DSE: variants seen among roughly 807,000 people sequenced by gnomAD.
DSE encodes dermatan sulfate epimerase.
Under a neutral mutation model 84.4 loss-of-function variants are expected in DSE, and 36 were observed. That is an observed-to-expected ratio of 0.43 (90% CI 0.33 to 0.56). The LOEUF is 0.56. Among genes scored for constraint, DSE ranks in the 20% least tolerant of loss-of-function variants. The pLI, the probability that DSE is intolerant of heterozygous loss-of-function variation, is 0.06. For synonymous variants in DSE, 410 were observed against 430.1 expected, an observed-to-expected ratio of 0.95 and a Z score of 0.58; for missense variants, 862 against 1,169.6, an observed-to-expected ratio of 0.74 and a Z score of 3.84.
chr6:116,257,805 C>T (rs1181247279), intron 1 of DSE, among the ~76,000 whole-genome samples: 9 of 152,118 alleles, frequency 5.9e-5, no homozygotes, highest in Admixed American at 5.9e-4. Flanking sequence ...GATTGCCCCC[C>T]AGAGGACCCC....
At chr6:116,400,938 T>C (rs1353014214) in intron 2 of DSE, 1 of 152,160 alleles carries the variant, frequency 6.6e-6, no homozygotes, top group East Asian at 1.9e-4. Context: ...CATATTTACA[T>C]TATTTAGAAA....
chr6:116,269,856 C>T (rs1399703382), intron 2 of DSE, among the ~76,000 whole-genome samples: 1 of 152,060 alleles, frequency 6.6e-6, no homozygotes, highest in Non-Finnish European at 1.5e-5. Context: ...CAAGTTTGAC[C>T]TGAAAATCTT....
intron 2 of DSE, among the ~76,000 whole-genome samples, chr6:116,308,770 C>T (rs549250060): frequency 1.8e-4 from 28 of 152,078 alleles, no homozygotes; most frequent in Admixed American, 3.9e-4. Context: ...CTCCGCCTCC[C>T]GGGTTCATGC....
At chr6:116,426,864 A>C (rs1468242397) in intron 3 of DSE, 37 bp downstream of exon 3, 1 of 1,577,374 alleles carries the variant, frequency 6.3e-7, no homozygotes, top group African/African-American at 1.4e-5. Flanking sequence ...GCCTGAGCTG[A>C]CGGAAGTCAT....
intron 2 of DSE, 115 bp downstream of exon 2, chr6:116,399,781 G>A: frequency 2.9e-6 from 3 of 1,029,422 alleles, no homozygotes; most frequent in South Asian, 1.6e-5. Context: ...GTGTGTGGGG[G>A]GAGGTGTTAT....
At chr6:116,315,244 C>CTT (rs1476601986) in intron 2 of DSE, among the ~76,000 whole-genome samples, 1 of 152,124 alleles carries the variant, frequency 6.6e-6, no homozygotes, top group Non-Finnish European at 1.5e-5. Context: ...CTTCAGAACT[C>CTT]TGTGAGGGTG....
intron 2 of DSE, among the ~76,000 whole-genome samples, chr6:116,350,036 A>T (rs1778219812): frequency 6.6e-6 from 1 of 152,240 alleles, no homozygotes; most frequent in Non-Finnish European, 1.5e-5. Context: ...TCTTTTTAAA[A>T]AAATACCTAA....
chr6:116,267,857 TGA>T (rs149576222), intron 2 of DSE, among the ~76,000 whole-genome samples: 13 of 148,470 alleles, frequency 8.8e-5, no homozygotes, highest in Non-Finnish European at 9.0e-5. Flanking sequence ...TGACAAAGCT[TGA>T]GAGAGAGAGA....
chr6:116,382,037 CTGTGTGTGTGTGTG>C (rs58610779), intron 1 of DSE, among the ~76,000 whole-genome samples: 25 of 144,770 alleles, frequency 1.7e-4, no homozygotes, highest in African/African-American at 6.2e-4. Flanking sequence ...ACATGGCATT[CTGTGTGTGTGTGTG>C]TGTGTGTGTG....
chr6:116,420,364 G>T (rs1349834747), intron 2 of DSE, among the ~76,000 whole-genome samples: 3 of 152,300 alleles, frequency 2.0e-5, no homozygotes, highest in African/African-American at 7.2e-5. Flanking sequence ...AGGTCCTAAA[G>T]GTGGGGCTCT....
chr6:116,287,702 A>C (rs1774008467), intron 2 of DSE, among the ~76,000 whole-genome samples: 1 of 152,092 alleles, frequency 6.6e-6, no homozygotes, highest in South Asian at 2.1e-4. Context: ...TCCCTTGGAT[A>C]GTATGATATC....
At position 116,435,592 on chromosome 6, in the gene DSE, A is replaced by G; in HGVS notation, c.1124A>G (p.Asp375Gly). 1 of 1,570,396 alleles carries G rather than the reference A, an allele frequency of 6.4e-7. No homozygotes were observed. Among genetic ancestry groups the G allele is most frequent in the Non-Finnish European group, 8.6e-7 (1 of 1,159,348 alleles). ...CTLHTEFLWYDGSLKSVPPPD... is the reference protein window; with the variant it reads ...CTLHTEFLWYGGSLKSVPPPD... ...TTTTTCAAAATTAATTTCAGGTATG[A>G]TGGCAGCTTGAAATCGGTTCCTCCT... is the stretch of plus-strand genomic sequence containing the variant. Residue 375 changes from aspartate (D) to glycine (G), a missense_variant, in exon 6 of 6, where the codon GAT becomes GGT. Physicochemically the swap from Asp to Gly is moderately conservative, Grantham distance 94. Transcript: ENST00000644252.
chr6:116,354,629 G>A (rs1007308966), intron 2 of DSE, among the ~76,000 whole-genome samples: 1 of 152,116 alleles, frequency 6.6e-6, no homozygotes, highest in African/African-American at 2.4e-5. Context: ...TCTTCAGAAT[G>A]GGTCTAATCT....
Position 116,440,172 on chromosome 6 carries a change from G to A in DSE, c.*2827G>A, listed in dbSNP as rs1784383013. On this transcript the variant is annotated 3_prime_UTR_variant, in exon 6 of 6. Coordinates refer to ENST00000644252, the MANE Select transcript of DSE (RefSeq NM_013352.4). The stretch of plus-strand genomic sequence containing the variant: ...AATGAATTCTTCCACAAATATTTTA[G>A]TCATAGTTTTTAAGTACCACGTATT... 1.3e-5 allele frequency: 2 copies of A among 152,026 alleles called. No individual in the cohort carries two copies. Among genetic ancestry groups the A allele is most frequent in the Non-Finnish European group, 2.9e-5 (2 of 67,986 alleles). The allele number at this position is 152,026 out of a possible 1,614,324, so 9.4% of individuals were successfully genotyped here. A position where few individuals can be genotyped will look rare whatever the true frequency, so the allele number is the denominator to read the frequency against.
In DSE at chr6:116,279,254, C is replaced by CTACCTCCATCTGCTCCTCCAT. The variant is rs1773330033; in HGVS notation, c.-54+20295_-54+20315dup. 5 of 1,607,996 alleles carry CTACCTCCATCTGCTCCTCCAT rather than the reference C, an allele frequency of 3.1e-6. No individual in the cohort carries two copies. The East Asian group carries it at 1.1e-4, about 36-fold the overall frequency. The stretch of plus-strand genomic sequence containing the variant: ...TCTTCACCTTCTGGCGGCTGCTCCT[C>CTACCTCCATCTGCTCCTCCAT]TACCTCCATCTGCTCCTCCATTACC... On this transcript the variant is annotated intron_variant, in intron 2 of 3. Coordinates refer to the DSE transcript ENST00000430252.
intron 1 of DSE, among the ~76,000 whole-genome samples, chr6:116,383,893 T>G (rs556096000): frequency 5.3e-5 from 8 of 152,366 alleles, no homozygotes; most frequent in Admixed American, 3.9e-4. Flanking sequence ...ATTTCCTGAC[T>G]GGTAACATTT....
chr6:116,368,458 G>A (rs928918675), upstream of DSE, among the ~76,000 whole-genome samples: 1 of 152,238 alleles, frequency 6.6e-6, no homozygotes, highest in Non-Finnish European at 1.5e-5. Context: ...ATGTCAACAA[G>A]CTAAGAGGCC....
intron 2 of DSE, among the ~76,000 whole-genome samples, chr6:116,358,456 A>C (rs185184397): frequency 3.5e-4 from 53 of 152,324 alleles, no homozygotes; most frequent in African/African-American, 1.2e-3. Flanking sequence ...TGGTGATGGA[A>C]TATGCCAGGT....
chr6:116,306,966 T>C (rs752418159), intron 2 of DSE, among the ~76,000 whole-genome samples: 1 of 152,252 alleles, frequency 6.6e-6, no homozygotes, highest in Non-Finnish European at 1.5e-5. Flanking sequence ...AAAACATTTC[T>C]GTTTTTTAAT....
Sources: gnomAD v4.1 joint callset for allele counts (sites outside exome capture counted in the v4.1 genomes callset) on GRCh38, gnomAD v4.1.1 for gene constraint, MANE v1.5 for transcripts, NCBI Gene and HGNC (gene_info 2026-07-23, HGNC 2026-07-21) for gene names.